Variants in MOB3A observed in about 807,000 individuals in gnomAD.
The protein encoded by MOB3A is MOB LAK.
MOB3A carries 17 observed loss-of-function variants against 17.8 expected under a neutral mutation model. That is an observed-to-expected ratio of 0.95 (90% CI 0.65 to 1.43). The LOEUF is 1.43. MOB3A is among the 40% of genes most tolerant of loss of function. The probability of loss-of-function intolerance (pLI) is 0.00; values close to 1 mark genes in which losing one functional copy is unlikely to be tolerated. For missense variants in MOB3A, 333 were observed against 310.8 expected (o/e 1.07, Z -0.54); for synonymous variants, 124 against 133.2 (o/e 0.93, Z 0.48).
At chr19:2,073,475 G>A (rs1376574287) in intron 4 of MOB3A, 51 bp from the exon 5 acceptor site, 20 of 1,612,164 alleles carry the variant, frequency 1.2e-5, no homozygotes, top group Non-Finnish European at 1.7e-5. Flanking sequence ...CCTAAAAGGG[G>A]TGATGCGAAC....
At chr19:2,076,486 G>C (rs1417772963) in intron 4 of MOB3A, among the ~76,000 whole-genome samples, 1 of 152,136 alleles carries the variant, frequency 6.6e-6, no homozygotes, top group African/African-American at 2.4e-5. Context: ...TGCTTGTGCC[G>C]GCTCGCATCC....
chr19:2,076,125 A>C (rs999974003), intron 4 of MOB3A, among the ~76,000 whole-genome samples: 1 of 121,476 alleles, frequency 8.2e-6, no homozygotes, highest in Non-Finnish European at 1.9e-5. Context: ...TCCATCTCCA[A>C]AAAAAAAAAA....
chr19:2,076,084 C>T (rs182604743), intron 4 of MOB3A, among the ~76,000 whole-genome samples: 1 of 139,032 alleles, frequency 7.2e-6, no homozygotes, highest in Admixed American at 7.8e-5. Flanking sequence ...GATGGCGCCA[C>T]TGCACTCCAG....
chr19:2,092,299 C>G (rs544431472), intron 1 of MOB3A, among the ~76,000 whole-genome samples: 109 of 152,058 alleles, frequency 7.2e-4, no homozygotes, highest in South Asian at 1.9e-3. Context: ...TGGGGTCTTA[C>G]TATGTTGCCC....
At chr19:2,083,004 TTTGTTG>T (rs66459718) in intron 2 of MOB3A, among the ~76,000 whole-genome samples, 8 of 151,814 alleles carry the variant, frequency 5.3e-5, no homozygotes, top group South Asian at 4.2e-4. Flanking sequence ...CAGTTAATTT[TTTGTTG>T]TTGTTGTTGT....
intron 4 of MOB3A, among the ~76,000 whole-genome samples, chr19:2,075,515 A>G (rs1332790217): frequency 6.6e-6 from 1 of 151,998 alleles, no homozygotes; most frequent in African/African-American, 2.4e-5. Flanking sequence ...GGTCCCAGCT[A>G]CTCGGAGGCT....
intron 4 of MOB3A, among the ~76,000 whole-genome samples, chr19:2,074,494 C>A (rs1239645293): frequency 1.3e-5 from 2 of 152,014 alleles, no homozygotes; most frequent in African/African-American, 4.8e-5. Context: ...AAAATGTTTA[C>A]CAGTAGCAAA....
chr19:2,079,407 G>A (rs971544968), intron 2 of MOB3A, among the ~76,000 whole-genome samples: 1 of 152,234 alleles, frequency 6.6e-6, no homozygotes, highest in Non-Finnish European at 1.5e-5. Context: ...CTCAAGGGAC[G>A]TCATCTTGGA....
intron 1 of MOB3A, among the ~76,000 whole-genome samples, chr19:2,092,061 C>G (rs974586893): frequency 6.9e-6 from 1 of 145,192 alleles, no homozygotes; most frequent in Non-Finnish European, 1.5e-5. Flanking sequence ...AAATAAGGAA[C>G]TATTGTGTCT....
At chr19:2,092,943 G>T (rs975840421) in intron 1 of MOB3A, among the ~76,000 whole-genome samples, 2 of 152,112 alleles carry the variant, frequency 1.3e-5, no homozygotes, top group African/African-American at 4.8e-5. Flanking sequence ...AGAAGTGAAG[G>T]CCTCCTCCCA....
chr19:2,083,303 G>A (rs2017513011), intron 2 of MOB3A, among the ~76,000 whole-genome samples: 1 of 152,242 alleles, frequency 6.6e-6, no homozygotes, highest in East Asian at 1.9e-4. Flanking sequence ...GCAGGTGGGA[G>A]CTGTTGGGGG....
chr19:2,076,949 C>G lies in MOB3A; in HGVS notation c.486G>C (p.Val162=), dbSNP rs746010262. The change falls in exon 4 of 5, where the codon GTG becomes GTC. Residue 162 remains valine, a synonymous_variant. Coordinates refer to ENST00000357066, the MANE Select transcript of MOB3A (RefSeq NM_130807.3). ...VRKILSRLFR[V]FVHVYIHHFD... ...AGTGGTGGATGTAGACGTGCACGAA[C>G]ACGCGGAACAGCCGCGACAGGATCT... 6.2e-7 allele frequency: 1 copy of G among 1,613,966 alleles called. No homozygotes were observed. The highest frequency in any genetic ancestry group is 1.1e-5 in the South Asian group (1 of 91,086).
At position 2,076,964 on chromosome 19, in the gene MOB3A, C is replaced by A; in HGVS notation, c.471G>T (p.Ser157=). The change falls in exon 4 of 5, where the codon TCG becomes TCT. Residue 157 remains serine, a synonymous_variant. Coordinates refer to ENST00000357066, the MANE Select transcript of MOB3A (RefSeq NM_130807.3). ...NFLQTVRKIL[S]RLFRVFVHVY... Reference sequence around the variant, plus strand: ...CGTGCACGAACACGCGGAACAGCCGCGACAGGATCTTCCGCACCGTCTGCA... The same window carrying A: ...CGTGCACGAACACGCGGAACAGCCGAGACAGGATCTTCCGCACCGTCTGCA... 6.2e-7 allele frequency: 1 copy of A among 1,613,898 alleles called. No individual in the cohort carries two copies. Among genetic ancestry groups the A allele is most frequent in the Non-Finnish European group, 8.5e-7 (1 of 1,180,020 alleles).
In MOB3A at chr19:2,096,287, T is replaced by C. The variant is rs1277969940; in HGVS notation, c.-335A>G. The C allele has an allele frequency of 1.3e-5, 2 of 157,830 alleles. No individual in the cohort carries two copies. The highest frequency in any genetic ancestry group is 2.4e-5 in the African/African-American group (1 of 41,336). The allele number at this position is 157,830 out of a possible 1,614,324, so 9.8% of individuals were successfully genotyped here. The stretch of plus-strand genomic sequence containing the variant: ...TACCCAACTGGCCGCCTCGGCCGCC[T>C]CAGCCGCCGCACCGCCTCGCAGCCG... On this transcript the variant is annotated 5_prime_UTR_variant, in exon 1 of 5. Coordinates refer to ENST00000357066, the MANE Select transcript of MOB3A (RefSeq NM_130807.3).
intron 1 of MOB3A, among the ~76,000 whole-genome samples, chr19:2,094,041 CT>C (rs1012593196): frequency 0.01 from 1,182 of 113,220 alleles, 5 homozygotes; most frequent in South Asian, 0.015. Flanking sequence ...TATGTAAGTT[CT>C]TTTTTTTTTT....
Position 2,071,890 on chromosome 19 carries a change from A to G in MOB3A, c.*1505T>C, listed in dbSNP as rs1329059461. 7 of 152,296 alleles carry G rather than the reference A, an allele frequency of 4.6e-5. No individual in the cohort carries two copies. The highest frequency in any genetic ancestry group is 1.7e-4 in the African/African-American group (7 of 41,434). The allele number at this position is 152,296 out of a possible 1,614,324, so 9.4% of individuals were successfully genotyped here. The stretch of plus-strand genomic sequence containing the variant: ...AGAGCTCACTATGTTATCGATAAAA[A>G]AATTCTTGGCCGGGCACAGTGGCTC... On this transcript the variant is annotated 3_prime_UTR_variant, in exon 5 of 5. Coordinates refer to ENST00000357066, the MANE Select transcript of MOB3A (RefSeq NM_130807.3).
intron 1 of MOB3A, among the ~76,000 whole-genome samples, chr19:2,088,543 C>T (rs778561454): frequency 2.3e-4 from 35 of 152,156 alleles, no homozygotes; most frequent in Non-Finnish European, 3.8e-4. Flanking sequence ...TCTTGGCTCA[C>T]TGCAACCTCC....
chr19:2,086,464 G>A (rs747463178), intron 1 of MOB3A, among the ~76,000 whole-genome samples: 14 of 151,914 alleles, frequency 9.2e-5, no homozygotes, highest in African/African-American at 2.4e-4. Context: ...GGGTTCAAGC[G>A]ATTCTCCTGG....
intron 4 of MOB3A, among the ~76,000 whole-genome samples, chr19:2,075,562 C>T (rs1468112361): frequency 3.3e-5 from 5 of 152,158 alleles, no homozygotes; most frequent in African/African-American, 1.2e-4. Context: ...TCCCCACATC[C>T]ATACAGCGCC....
Sources: allele counts gnomAD v4.1 joint callset (sites outside exome capture counted in the v4.1 genomes callset), GRCh38; gene constraint gnomAD v4.1.1; transcripts MANE v1.5; gene names NCBI Gene and HGNC (gene_info 2026-07-23, HGNC 2026-07-21).